The following METTL15 variants were observed in gnomAD, a reference collection of about 807,000 sequenced individuals.
METTL15 encodes the protein methyltransferase 15, mitochondrial 12S rRNA N4-cytidine.
METTL15 carries 34 observed loss-of-function variants against 38.3 expected under a neutral mutation model. The ratio of observed to expected loss-of-function variants is 0.89; its 90% CI spans 0.68 to 1.18. METTL15 has a LOEUF of 1.18. Ranked by LOEUF, METTL15 falls within the 50% of genes most tolerant of loss-of-function variation. METTL15 has a pLI of 0.00. For synonymous variants in METTL15, 162 were observed against 170.9 expected (o/e 0.95, Z 0.41); for missense variants, 438 against 498.4 (o/e 0.88, Z 1.15).
chr11:28,321,570 G>T (rs1034729039), intron 6 of METTL15, among the ~76,000 whole-genome samples: 2 of 152,020 alleles, frequency 1.3e-5, no homozygotes, highest in Non-Finnish European at 2.9e-5. Flanking sequence ...TTTCCTGGAT[G>T]CATTGCTTCA....
intron 4 of METTL15, among the ~76,000 whole-genome samples, chr11:28,233,033 A>T (rs899204489): frequency 6.6e-6 from 1 of 152,086 alleles, no homozygotes; most frequent in African/African-American, 2.4e-5. Flanking sequence ...GCGGACAACA[A>T]AATTAGCCTT....
intron 3 of METTL15, among the ~76,000 whole-genome samples, chr11:28,122,521 C>T (rs1054235574): frequency 6.6e-6 from 1 of 150,778 alleles, no homozygotes; most frequent in Non-Finnish European, 1.5e-5. Context: ...TTATTTTTTC[C>T]ATAATGACGG....
intron 6 of METTL15, among the ~76,000 whole-genome samples, chr11:28,317,169 A>G (rs552349286): frequency 9.0e-4 from 137 of 152,124 alleles, no homozygotes; most frequent in African/African-American, 3.1e-3. Context: ...TCAACCACCC[A>G]TAGTGAGATC....
intron 6 of METTL15, among the ~76,000 whole-genome samples, chr11:28,447,218 A>G (rs1254533971): frequency 6.6e-6 from 1 of 151,956 alleles, no homozygotes; most frequent in African/African-American, 2.4e-5. Flanking sequence ...TTTCTTCTTA[A>G]TTTGGGCCCA....
intron 6 of METTL15, among the ~76,000 whole-genome samples, chr11:28,426,356 T>C (rs957259494): frequency 2.0e-5 from 3 of 152,162 alleles, no homozygotes; most frequent in Admixed American, 2.0e-4. Context: ...GGGTGTTTAG[T>C]TTGATTCCAT....
At chr11:28,447,775 G>A (rs181791586) in intron 6 of METTL15, among the ~76,000 whole-genome samples, 1 of 152,228 alleles carries the variant, frequency 6.6e-6, no homozygotes, top group East Asian at 1.9e-4. Context: ...ATCTCAGGGG[G>A]AGGGAGACTA....
chr11:28,529,366 A>G (rs947122500), downstream of METTL15, among the ~76,000 whole-genome samples: 3 of 152,068 alleles, frequency 2.0e-5, no homozygotes, highest in Non-Finnish European at 4.4e-5. Context: ...CATACTGGAA[A>G]ACAACTTGAG....
At chr11:28,485,642 G>A (rs1304131006) in intron 6 of METTL15, among the ~76,000 whole-genome samples, 1 of 152,092 alleles carries the variant, frequency 6.6e-6, no homozygotes, top group African/African-American at 2.4e-5. Flanking sequence ...AAGATAAAAC[G>A]TTATTGAGAA....
At position 28,237,184 on chromosome 11, in the gene METTL15, T is replaced by C. The variant is rs1010427427; in HGVS notation, c.407+25986T>C. On this transcript the variant is annotated intron_variant, in intron 4 of 6. Transcript: ENST00000407364. ...TTTGGGGAAGTTCTCCTGGATAATATCCTGCAGAGTGTTTTCCAACTTGGT... is the reference window on the plus strand; with the variant it reads ...TTTGGGGAAGTTCTCCTGGATAATACCCTGCAGAGTGTTTTCCAACTTGGT... 2.6e-5 allele frequency among the ~76,000 whole-genome samples: 4 copies of C among 152,332 alleles called. No homozygotes were observed. The East Asian group carries it at 7.7e-4, about 29-fold the overall frequency.
At chr11:28,367,842 G>C (rs1338898659) in intron 5 of METTL15, among the ~76,000 whole-genome samples, 1 of 152,034 alleles carries the variant, frequency 6.6e-6, no homozygotes, top group Non-Finnish European at 1.5e-5. Context: ...ACAAGCAATG[G>C]GGAAAAGATT....
intron 4 of METTL15, among the ~76,000 whole-genome samples, chr11:28,277,212 C>G: frequency 6.6e-6 from 1 of 152,086 alleles, no homozygotes; most frequent in East Asian, 1.9e-4. Flanking sequence ...CCACTCAATC[C>G]AGCAATACCC....
intron 5 of METTL15, among the ~76,000 whole-genome samples, chr11:28,377,733 C>G (rs11493472): frequency 0.4 from 61,509 of 151,970 alleles, 14,278 homozygotes; most frequent in Admixed American, 0.52. Context: ...AGGAGAGGCA[C>G]TCTGCTTTTT....
intron 4 of METTL15, among the ~76,000 whole-genome samples, chr11:28,361,157 T>A (rs905424699): frequency 7.9e-5 from 12 of 151,132 alleles, no homozygotes; most frequent in Middle Eastern, 3.4e-3. Flanking sequence ...TGATTTATAG[T>A]CCTTTGGGTA....
At chr11:28,276,806 C>G (rs968270774) in intron 4 of METTL15, among the ~76,000 whole-genome samples, 2 of 152,054 alleles carry the variant, frequency 1.3e-5, no homozygotes, top group Admixed American at 6.6e-5. Flanking sequence ...TTTGACAAAG[C>G]TGTAGGAGAA....
chr11:28,483,384 G>A (rs779223638), intron 6 of METTL15, among the ~76,000 whole-genome samples: 1 of 152,116 alleles, frequency 6.6e-6, no homozygotes, highest in Non-Finnish European at 1.5e-5. Context: ...CTTTGGCCTC[G>A]ACATTAAGAC....
intron 3 of METTL15, among the ~76,000 whole-genome samples, chr11:28,157,342 T>C (rs1565130262): frequency 6.6e-6 from 1 of 152,190 alleles, no homozygotes; most frequent in Non-Finnish European, 1.5e-5. Flanking sequence ...TCCAGGCTGC[T>C]GTGCATGCTG....
intron 4 of METTL15, among the ~76,000 whole-genome samples, chr11:28,256,605 A>T (rs1482979712): frequency 3.3e-5 from 5 of 151,860 alleles, no homozygotes; most frequent in African/African-American, 1.2e-4. Flanking sequence ...TTTTTGGTTA[A>T]TCTGGCTGAA....
intron 3 of METTL15, among the ~76,000 whole-genome samples, chr11:28,146,864 C>A (rs867251759): frequency 6.6e-6 from 1 of 151,642 alleles, no homozygotes; most frequent in South Asian, 2.1e-4. Flanking sequence ...TTAAAAATGA[C>A]GTTTTTAAAA....
intron 6 of METTL15, among the ~76,000 whole-genome samples, chr11:28,429,837 G>C (rs1457116762): frequency 1.6e-5 from 1 of 61,730 alleles, no homozygotes; most frequent in Non-Finnish European, 3.2e-5. Flanking sequence ...GATGTGAGGA[G>C]CCCCTCTGCC....
Sources: gnomAD v4.1 joint callset for allele counts (sites outside exome capture counted in the v4.1 genomes callset) on GRCh38, gnomAD v4.1.1 for gene constraint, MANE v1.5 for transcripts, NCBI Gene and HGNC (gene_info 2026-07-23, HGNC 2026-07-21) for gene names.